VPS13B: variants seen among roughly 807,000 people sequenced by gnomAD.
The protein encoded by VPS13B is intermembrane lipid transfer protein VPS13B.
VPS13B carries 285 observed loss-of-function variants against 426.4 expected under a neutral mutation model. The ratio of observed to expected loss-of-function variants is 0.67; its 90% confidence interval spans 0.61 to 0.74. VPS13B has a LOEUF of 0.74. Among genes scored for constraint, VPS13B ranks in the 30% least tolerant of loss-of-function variants. The pLI, the probability that VPS13B is intolerant of heterozygous loss-of-function variation, is 0.00. For missense variants in VPS13B, 4,537 were observed against 4,782.6 expected, an observed-to-expected ratio of 0.95 and a Z score of 1.51; for synonymous variants, 1,676 against 1,676.4, an observed-to-expected ratio of 1.00 and a Z score of 0.01.
At chr8:99,561,345 A>C (rs1037231499) in intron 31 of VPS13B, among the ~76,000 whole-genome samples, 1 of 152,184 alleles carries the variant, frequency 6.6e-6, no homozygotes, top group African/African-American at 2.4e-5. Context: ...TTCACTTAGC[A>C]TACTGTTTTG....
intron 19 of VPS13B, among the ~76,000 whole-genome samples, chr8:99,318,974 G>A (rs1361106165): frequency 1.3e-5 from 2 of 152,068 alleles, no homozygotes; most frequent in Admixed American, 6.6e-5. Flanking sequence ...GCCCCTTTTT[G>A]TAACATGTAT....
At chr8:99,710,564 G>T (rs1832670523) in intron 36 of VPS13B, among the ~76,000 whole-genome samples, 1 of 152,132 alleles carries the variant, frequency 6.6e-6, no homozygotes, top group Admixed American at 6.5e-5. Flanking sequence ...AAATAAAGGG[G>T]AAAGGAAAAT....
chr8:99,667,940 T>C (rs2129845661), intron 35 of VPS13B, among the ~76,000 whole-genome samples: 1 of 152,300 alleles, frequency 6.6e-6, no homozygotes, highest in South Asian at 2.1e-4. Context: ...ATTTCAGCTT[T>C]ATAATGTTCC....
At chr8:99,870,631 G>A (rs1264955628) in intron 59 of VPS13B, among the ~76,000 whole-genome samples, 154 bp from the exon 60 acceptor site, 1 of 152,186 alleles carries the variant, frequency 6.6e-6, no homozygotes, top group Non-Finnish European at 1.5e-5. Flanking sequence ...GCATTGTAAT[G>A]TTTAATGATT....
intron 3 of VPS13B, among the ~76,000 whole-genome samples, chr8:99,048,238 A>G (rs868516629): frequency 6.6e-6 from 1 of 152,248 alleles, no homozygotes; most frequent in Middle Eastern, 3.4e-3. Context: ...CAATTTTCTT[A>G]AATTTATTGA....
chr8:99,312,612 C>T (rs1336504997), intron 19 of VPS13B, among the ~76,000 whole-genome samples: 8 of 152,168 alleles, frequency 5.3e-5, no homozygotes, highest in East Asian at 1.9e-4. Context: ...TTTTTTCCTT[C>T]ATTTCAACTT....
chr8:99,813,846 T>C (rs532413764), intron 44 of VPS13B, among the ~76,000 whole-genome samples: 1 of 152,348 alleles, frequency 6.6e-6, no homozygotes, highest in East Asian at 1.9e-4. Flanking sequence ...GATTAAATAA[T>C]AGTTCATCCC....
chr8:99,034,482 A>G (rs1331262665), intron 2 of VPS13B, among the ~76,000 whole-genome samples: 1 of 150,624 alleles, frequency 6.6e-6, no homozygotes, highest in Non-Finnish European at 1.5e-5. Flanking sequence ...GTAGCTTGCT[A>G]GTTACTGCCC....
At chr8:99,268,610 G>C (rs766223986) in intron 17 of VPS13B, among the ~76,000 whole-genome samples, 23 of 152,188 alleles carry the variant, frequency 1.5e-4, no homozygotes, top group Non-Finnish European at 2.9e-4. Context: ...ATTTGGAATG[G>C]ATGTATTTGC....
At chr8:99,602,089 A>G (rs934525211) in intron 33 of VPS13B, among the ~76,000 whole-genome samples, 1 of 152,176 alleles carries the variant, frequency 6.6e-6, no homozygotes, top group Admixed American at 6.5e-5. Flanking sequence ...TATGTCCTGA[A>G]TGGTATTGCC....
chr8:99,567,008 G>A (rs913828567), intron 31 of VPS13B, among the ~76,000 whole-genome samples: 1 of 151,780 alleles, frequency 6.6e-6, no homozygotes, highest in South Asian at 2.1e-4. Context: ...CGATCCTCCT[G>A]CCTCATCCTC....
intron 19 of VPS13B, among the ~76,000 whole-genome samples, chr8:99,304,004 A>G (rs1820512034): frequency 6.6e-6 from 1 of 152,134 alleles, no homozygotes; most frequent in South Asian, 2.1e-4. Context: ...GACAGATTTT[A>G]TAGTATAGTG....
intron 7 of VPS13B, among the ~76,000 whole-genome samples, chr8:99,117,284 A>T (rs1444410860): frequency 6.6e-6 from 1 of 152,208 alleles, no homozygotes; most frequent in Non-Finnish European, 1.5e-5. Context: ...ATAAAAAAAA[A>T]TACAAAATAA....
intron 22 of VPS13B, among the ~76,000 whole-genome samples, chr8:99,433,845 C>T (rs374816784): frequency 3.9e-5 from 6 of 152,040 alleles, no homozygotes; most frequent in Non-Finnish European, 5.9e-5. Flanking sequence ...CTTACTCTGT[C>T]GCCCAGGCTG....
intron 31 of VPS13B, among the ~76,000 whole-genome samples, chr8:99,568,444 C>G (rs1001278829): frequency 4.6e-5 from 7 of 151,950 alleles, no homozygotes; most frequent in Non-Finnish European, 1.0e-4. Context: ...GCCCACGCCA[C>G]CACGCCTGGC....
At chr8:99,868,125 C>A in intron 58 of VPS13B, 164 bp from the exon 59 acceptor site, 1 of 773,598 alleles carries the variant, frequency 1.3e-6, no homozygotes, top group Non-Finnish European at 2.1e-6. Flanking sequence ...ATGTCTACTG[C>A]CCTTGGTGTA....
At chr8:99,739,359 A>C (rs1350511911) in intron 39 of VPS13B, among the ~76,000 whole-genome samples, 1 of 152,242 alleles carries the variant, frequency 6.6e-6, no homozygotes, top group Admixed American at 6.5e-5. Flanking sequence ...CCGCAGCTCA[A>C]GGAGGCCTGC....
chr8:99,757,665 A>T (rs932947332), intron 39 of VPS13B, among the ~76,000 whole-genome samples: 6 of 152,214 alleles, frequency 3.9e-5, no homozygotes, highest in African/African-American at 1.4e-4. Context: ...GCCAACACAC[A>T]TGCAAATCTT....
At chr8:99,131,070 A>G (rs1588071628) in intron 8 of VPS13B, among the ~76,000 whole-genome samples, 1 of 152,192 alleles carries the variant, frequency 6.6e-6, no homozygotes. Flanking sequence ...CGTAAGAATG[A>G]GGGGAAGTAA....
Sources: gnomAD v4.1 joint callset for allele counts (sites outside exome capture counted in the v4.1 genomes callset) on GRCh38, gnomAD v4.1.1 for gene constraint, MANE v1.5 for transcripts, NCBI Gene and HGNC (gene_info 2026-07-23, HGNC 2026-07-21) for gene names.